The following CSMD1 variants were observed in gnomAD, a reference collection of about 807,000 sequenced individuals.
CSMD1 encodes CUB and sushi domain-containing protein 1.
CSMD1 carries 213 observed loss-of-function variants against 417.5 expected under a neutral mutation model. The ratio of observed to expected loss-of-function variants is 0.51; its 90% CI spans 0.46 to 0.57. CSMD1 has a LOEUF of 0.57. Ranked by LOEUF, CSMD1 falls within the 20% of genes least tolerant of loss-of-function variation. The probability of loss-of-function intolerance (pLI) is 0.00; values close to 1 mark genes in which losing one functional copy is unlikely to be tolerated. For synonymous variants in CSMD1, 2,862 were observed against 1,736.8 expected, an observed-to-expected ratio of 1.65 and a Z score of -16.11; for missense variants, 6,923 against 4,529.7, an observed-to-expected ratio of 1.53 and a Z score of -15.17.
chr8:4,434,571 G>A (rs1798046209), intron 2 of CSMD1, among the ~76,000 whole-genome samples: 1 of 152,160 alleles, frequency 6.6e-6, no homozygotes, highest in Admixed American at 6.5e-5. Flanking sequence ...AATAGAGGAG[G>A]AGGAAGTTCA....
chr8:4,892,267 A>T (rs1308435073), intron 1 of CSMD1, among the ~76,000 whole-genome samples: 1 of 152,136 alleles, frequency 6.6e-6, no homozygotes, highest in African/African-American at 2.4e-5. Flanking sequence ...CCACCTGGGT[A>T]GCCAGGTGTC....
intron 5 of CSMD1, among the ~76,000 whole-genome samples, chr8:3,825,889 G>GT (rs1160080808): frequency 6.6e-6 from 1 of 152,112 alleles, no homozygotes; most frequent in Non-Finnish European, 1.5e-5. Flanking sequence ...AGAAACCAAG[G>GT]TATCATGACA....
intron 1 of CSMD1, among the ~76,000 whole-genome samples, chr8:4,990,660 A>C (rs1023316726): frequency 2.6e-5 from 4 of 152,122 alleles, no homozygotes; most frequent in African/African-American, 9.7e-5. Context: ...CATCCGGCCC[A>C]CTTTTTTATT....
At chr8:3,555,594 T>G (rs953220666) in intron 10 of CSMD1, among the ~76,000 whole-genome samples, 1 of 152,234 alleles carries the variant, frequency 6.6e-6, no homozygotes, top group African/African-American at 2.4e-5. Context: ...CTCATTTTCT[T>G]TAATTCTACA....
chr8:4,230,421 C>G lies in CSMD1; in HGVS notation c.415+189532G>C, dbSNP rs139529597. ...AATGATCTTGTATATAATCCAAGGTCTAACCTGTGACTTAACATATTTATT... is the reference window on the plus strand; with the variant it reads ...AATGATCTTGTATATAATCCAAGGTGTAACCTGTGACTTAACATATTTATT... On this transcript the variant is annotated intron_variant, in intron 3 of 69. Transcript: ENST00000635120. Among the ~76,000 whole-genome samples, 8 of 152,274 alleles carry G rather than the reference C, an allele frequency of 5.3e-5. No homozygotes were observed. In the East Asian group the frequency reaches 1.5e-3, roughly 29 times the overall value.
chr8:4,167,741 G>C (rs1470682772), intron 3 of CSMD1, among the ~76,000 whole-genome samples: 1 of 152,170 alleles, frequency 6.6e-6, no homozygotes, highest in South Asian at 2.1e-4. Flanking sequence ...TGTAATTCCA[G>C]CACTTTTAGA....
chr8:3,954,453 T>A (rs1362631783), intron 5 of CSMD1, among the ~76,000 whole-genome samples: 2 of 152,066 alleles, frequency 1.3e-5, no homozygotes. Context: ...TGCAACCTCC[T>A]CCTCCCGGGT....
chr8:4,036,731 G>A (rs896491078), intron 3 of CSMD1, among the ~76,000 whole-genome samples: 3 of 152,190 alleles, frequency 2.0e-5, no homozygotes, highest in Admixed American at 6.5e-5. Context: ...AGATGCAGTT[G>A]CAGGCTTTTA....
At chr8:3,470,496 C>A (rs903035145) in intron 11 of CSMD1, among the ~76,000 whole-genome samples, 8 of 152,104 alleles carry the variant, frequency 5.3e-5, no homozygotes, top group Non-Finnish European at 8.8e-5. Context: ...TACAACCTAC[C>A]AGCCTCGTTA....
intron 3 of CSMD1, among the ~76,000 whole-genome samples, chr8:4,197,536 T>C (rs1799409652): frequency 2.0e-5 from 3 of 152,168 alleles, no homozygotes; most frequent in Admixed American, 2.0e-4. Flanking sequence ...CCTGATGGTC[T>C]TCCAACTAAA....
chr8:4,717,570 CCATCCATCCATCCATA>C (rs891514247), intron 1 of CSMD1, among the ~76,000 whole-genome samples: 13 of 139,878 alleles, frequency 9.3e-5, no homozygotes, highest in East Asian at 4.6e-4. Flanking sequence ...ATCTATCCAT[CCATCCATCCATCCATA>C]CATCCATCCA....
chr8:3,096,111 G>C (rs934135568), intron 47 of CSMD1, among the ~76,000 whole-genome samples: 2 of 152,156 alleles, frequency 1.3e-5, no homozygotes, highest in Non-Finnish European at 2.9e-5. Flanking sequence ...ATATAGGAGA[G>C]AGAGAAAGAG....
At chr8:4,194,896 G>A (rs955689138) in intron 3 of CSMD1, among the ~76,000 whole-genome samples, 4 of 152,080 alleles carry the variant, frequency 2.6e-5, no homozygotes, top group African/African-American at 7.3e-5. Flanking sequence ...AATTAGAACT[G>A]TTAGTTCTAA....
intron 5 of CSMD1, among the ~76,000 whole-genome samples, chr8:3,973,822 G>A (rs1813237669): frequency 6.6e-6 from 1 of 152,158 alleles, no homozygotes; most frequent in Admixed American, 6.6e-5. Flanking sequence ...CCTTTTATGT[G>A]TTTAATATGT....
chr8:4,244,176 G>A (rs545476543), intron 3 of CSMD1, among the ~76,000 whole-genome samples: 1 of 152,140 alleles, frequency 6.6e-6, no homozygotes, highest in Non-Finnish European at 1.5e-5. Flanking sequence ...CAAGTTTCTG[G>A]TAGAACCGTT....
intron 3 of CSMD1, among the ~76,000 whole-genome samples, chr8:4,239,622 G>C (rs572777465): frequency 1.3e-5 from 2 of 152,264 alleles, no homozygotes; most frequent in East Asian, 3.9e-4. Flanking sequence ...TTTCCACCTA[G>C]AGAACCCAAA....
chr8:3,128,982 T>C (rs17318823), intron 41 of CSMD1: 19,565 of 399,058 alleles, frequency 0.049, 617 homozygotes, highest in Non-Finnish European at 0.068. Flanking sequence ...AATACTAGCA[T>C]GGAGTTAAGT....
At chr8:3,645,574 C>T (rs1797534496) in intron 7 of CSMD1, among the ~76,000 whole-genome samples, 1 of 152,072 alleles carries the variant, frequency 6.6e-6, no homozygotes, top group African/African-American at 2.4e-5. Context: ...CAGTCTTCTG[C>T]AAGGGATCAT....
intron 1 of CSMD1, among the ~76,000 whole-genome samples, chr8:4,731,312 G>C (rs1322672883): frequency 6.6e-6 from 1 of 152,136 alleles, no homozygotes; most frequent in Admixed American, 6.5e-5. Context: ...TTTGGAATCA[G>C]CAGTTTTTGC....
Sources: gnomAD v4.1 joint callset for allele counts (sites outside exome capture counted in the v4.1 genomes callset) on GRCh38, gnomAD v4.1.1 for gene constraint, MANE v1.5 for transcripts, NCBI Gene and HGNC (gene_info 2026-07-23, HGNC 2026-07-21) for gene names.